CEP170: variants seen among roughly 807,000 people sequenced by gnomAD.
The protein encoded by CEP170 is centrosomal protein of 170 kDa.
In CEP170, 21 loss-of-function variants were observed where a neutral mutation model predicts 151.9. The ratio of observed to expected loss-of-function variants is 0.14; its 90% CI spans 0.10 to 0.20. The LOEUF (loss-of-function observed/expected upper bound fraction) is 0.20, where lower values mean the gene tolerates loss of function less well. Among genes scored for constraint, CEP170 ranks in the 10% least tolerant of loss-of-function variants. The probability of loss-of-function intolerance (pLI) is 1.00; values close to 1 mark genes in which losing one functional copy is unlikely to be tolerated. For missense variants in CEP170, 964 were observed against 1,892.9 expected (o/e 0.51, Z 9.11); for synonymous variants, 356 against 648.8 (o/e 0.55, Z 6.86).
intron 10 of CEP170, among the ~76,000 whole-genome samples, chr1:243,182,954 G>A (rs2059716474): frequency 6.6e-6 from 1 of 151,598 alleles, no homozygotes. Flanking sequence ...AATGAAACAA[G>A]TTGATGACAG....
intron 14 of CEP170, among the ~76,000 whole-genome samples, chr1:243,146,681 A>AAAAC (rs1558410465): frequency 6.7e-6 from 1 of 150,202 alleles, no homozygotes; most frequent in African/African-American, 2.4e-5. Flanking sequence ...AAAAAAAAAA[A>AAAAC]CCCGAGATAT....
chr1:243,240,700 A>C (rs925618464), intron 1 of CEP170, among the ~76,000 whole-genome samples: 1 of 148,088 alleles, frequency 6.8e-6, no homozygotes, highest in Non-Finnish European at 1.5e-5. Context: ...TTATTTATTC[A>C]TTTATTTTTG....
intron 4 of CEP170, among the ~76,000 whole-genome samples, chr1:243,204,623 G>GTCTCTTTTAC (rs1457821249): frequency 8.5e-5 from 13 of 152,236 alleles, no homozygotes; most frequent in African/African-American, 2.6e-4. Context: ...TAGCACATTA[G>GTCTCTTTTAC]TGGTTTCTCC....
In CEP170 at chr1:243,207,717, A is replaced by G. The variant is rs2061517709; in HGVS notation, c.274+4169T>C. 2.0e-5 allele frequency among the ~76,000 whole-genome samples: 3 copies of G among 149,384 alleles called. No individual in the cohort carries two copies. In the Admixed American group the frequency reaches 2.0e-4, roughly 10 times the overall value. On this transcript the variant is annotated intron_variant, in intron 4 of 19. Transcript: ENST00000366542. ...GAGCAAAATGGAATTAGAAATCAGTAACAGAAATATATCTGGAAAACTCCC... is the reference window on the plus strand; with the variant it reads ...GAGCAAAATGGAATTAGAAATCAGTGACAGAAATATATCTGGAAAACTCCC...
intron 10 of CEP170, among the ~76,000 whole-genome samples, chr1:243,182,586 C>T (rs1347629554): frequency 6.6e-6 from 1 of 152,166 alleles, no homozygotes; most frequent in African/African-American, 2.4e-5. Flanking sequence ...TCAATGATTC[C>T]CCACTGCCTT....
chr1:243,132,270 T>C (rs1192583764), intron 17 of CEP170, among the ~76,000 whole-genome samples: 6 of 152,346 alleles, frequency 3.9e-5, no homozygotes, highest in Admixed American at 2.0e-4. Flanking sequence ...AACTCAGACC[T>C]ACCTTTGAAT....
At chr1:243,221,066 C>T (rs2062759603) in intron 3 of CEP170, among the ~76,000 whole-genome samples, 1 of 152,156 alleles carries the variant, frequency 6.6e-6, no homozygotes, top group Non-Finnish European at 1.5e-5. Flanking sequence ...GTTCTGTCGC[C>T]CAGGCTGGAG....
chr1:243,243,850 C>CCA (rs948343244), intron 1 of CEP170, among the ~76,000 whole-genome samples: 186 of 151,618 alleles, frequency 1.2e-3, no homozygotes, highest in East Asian at 4.6e-3. Context: ...AAAGTAGACA[C>CCA]CACACACACA....
intron 6 of CEP170, among the ~76,000 whole-genome samples, chr1:243,199,855 T>C (rs2060908879): frequency 6.6e-6 from 1 of 152,058 alleles, no homozygotes; most frequent in Admixed American, 6.6e-5. Flanking sequence ...ACAGCCACAT[T>C]TGATTTAAAA....
chr1:243,198,095 A>C (rs1323265753), intron 7 of CEP170, among the ~76,000 whole-genome samples: 2 of 152,042 alleles, frequency 1.3e-5, no homozygotes, highest in African/African-American at 4.8e-5. Context: ...GTTCTCATGG[A>C]ATTTATCCTT....
intron 14 of CEP170, among the ~76,000 whole-genome samples, chr1:243,150,641 C>G (rs986809502): frequency 6.6e-6 from 1 of 152,108 alleles, no homozygotes; most frequent in African/African-American, 2.4e-5. Flanking sequence ...AATGCTGATT[C>G]TGAAATTCCA....
At chr1:243,155,589 C>G (rs999625177) in intron 14 of CEP170, among the ~76,000 whole-genome samples, 8 of 152,110 alleles carry the variant, frequency 5.3e-5, no homozygotes, top group African/African-American at 1.4e-4. Flanking sequence ...AGTATAATCT[C>G]TCTTCAAAGT....
intron 1 of CEP170, among the ~76,000 whole-genome samples, chr1:243,232,762 C>T (rs1451265225): frequency 6.6e-6 from 1 of 151,976 alleles, no homozygotes; most frequent in Non-Finnish European, 1.5e-5. Flanking sequence ...AGAGATAAAC[C>T]TAGGGTGTTA....
intron 10 of CEP170, among the ~76,000 whole-genome samples, chr1:243,182,092 A>G (rs1190978723): frequency 2.0e-5 from 3 of 152,168 alleles, no homozygotes; most frequent in East Asian, 1.9e-4. Flanking sequence ...TATTAATGCT[A>G]TCTTGTGAGT....
intron 8 of CEP170, among the ~76,000 whole-genome samples, chr1:243,189,907 G>A (rs1196262848): frequency 6.6e-6 from 1 of 152,130 alleles, no homozygotes; most frequent in African/African-American, 2.4e-5. Flanking sequence ...CATATGCCAG[G>A]TAACTGCTGA....
At chr1:243,142,570 T>C in intron 14 of CEP170, 107 bp from the exon 15 acceptor site, 1 of 952,962 alleles carries the variant, frequency 1.0e-6, no homozygotes, top group Admixed American at 3.2e-5. Context: ...TAATTAAATA[T>C]TTGTACCCCA....
intron 10 of CEP170, among the ~76,000 whole-genome samples, chr1:243,177,166 A>C (rs2059310226): frequency 6.6e-6 from 1 of 152,232 alleles, no homozygotes; most frequent in Non-Finnish European, 1.5e-5. Context: ...AACATCAGAT[A>C]CGGGAAGCTT....
chr1:243,231,060 G>A lies in CEP170; in HGVS notation c.-41-5739C>T, dbSNP rs1164387425. On this transcript the variant is annotated intron_variant, in intron 1 of 19. Transcript: ENST00000366542. ...AGCAGATTTCTTCTCAGAAACTATG[G>A]AGACTAGAAAGCAGTGGGATAGCAG... Among the ~76,000 whole-genome samples, 3 of 150,792 alleles carry A rather than the reference G, an allele frequency of 2.0e-5. No homozygotes were observed. In the East Asian group the frequency reaches 5.9e-4, roughly 30 times the overall value.
rs759691403 is a variant in CEP170 at position 243,172,727 on chromosome 1, T to C, written c.1686A>G (p.Pro562=). Reference sequence around the variant, plus strand: ...AGTGGTGAAATCCAGATGTAGTCAGTGGTTTTCTTTCTTCCATTACTGCTG... The same window carrying C: ...AGTGGTGAAATCCAGATGTAGTCAGCGGTTTTCTTTCTTCCATTACTGCTG... ...SAAAVMEERK[P]LTTSGFHHSE... Residue 562 remains proline (P), a synonymous_variant, in exon 11 of 20, where the codon CCA becomes CCG. Transcript: ENST00000366542. 42 of 1,589,978 alleles carry C rather than the reference T, an allele frequency of 2.6e-5. No individual in the cohort carries two copies. Among genetic ancestry groups the C allele is most frequent in the Middle Eastern group, 1.7e-4 (1 of 6,022 alleles).
Sources: allele counts gnomAD v4.1 joint callset (sites outside exome capture counted in the v4.1 genomes callset), GRCh38; gene constraint gnomAD v4.1.1; transcripts MANE v1.5; gene names NCBI Gene and HGNC (gene_info 2026-07-23, HGNC 2026-07-21).